WDR82: variants seen among roughly 807,000 people sequenced by gnomAD.
WDR82 encodes the protein WD repeat-containing protein 82.
A neutral mutation model predicts 36.1 loss-of-function variants in WDR82; 8 were observed. That is an observed-to-expected ratio of 0.22 (90% CI 0.13 to 0.40). The LOEUF (loss-of-function observed/expected upper bound fraction) is 0.40. Ranked by LOEUF, WDR82 falls within the 10% of genes least tolerant of loss-of-function variation. WDR82 has a pLI of 1.00. For synonymous variants in WDR82, 129 were observed against 137.8 expected, an observed-to-expected ratio of 0.94 and a Z score of 0.45; for missense variants, 185 against 400.5, an observed-to-expected ratio of 0.46 and a Z score of 4.59.
intron 1 of WDR82, among the ~76,000 whole-genome samples, chr3:52,271,854 G>A (rs766756792): frequency 6.6e-5 from 10 of 152,180 alleles, no homozygotes; most frequent in Non-Finnish European, 1.3e-4. Flanking sequence ...AGCACTTTGG[G>A]AGGCCGAGCC....
intron 1 of WDR82, among the ~76,000 whole-genome samples, chr3:52,277,065 AAATAATAATAAT>A (rs71084177): frequency 3.5e-4 from 50 of 141,022 alleles, no homozygotes; most frequent in East Asian, 1.2e-3. Flanking sequence ...CCAAGATCTC[AAATAATAATAAT>A]AATAATAATA....
rs554529785 is a variant in WDR82, at chr3:52,264,204, G to A, written c.327-2725C>T. Among the ~76,000 whole-genome samples the A allele has an allele frequency of 1.7e-4, 26 of 152,224 alleles. No individual in the cohort carries two copies. The East Asian group carries it at 4.8e-3, about 28-fold the overall frequency. On this transcript the variant is annotated intron_variant, in intron 3 of 8. Transcript: ENST00000296490. ...AACAAAACCTGTAGGTGGAAGGCGG[G>A]TCTGAAACTGATAATAGACATGAGC... is the stretch of plus-strand genomic sequence containing the variant.
Position 52,255,548 on chromosome 3 carries a change from C to CTACAGT in WDR82, c.*1941_*1942insACTGTA, listed in dbSNP as rs970565463. ...TGGGTGGCATCCTGCAGATTCTAGT[C>CTACAGT]TACATTTGGGAAAGGTGTACGCCTC... is the stretch of plus-strand genomic sequence containing the variant. On this transcript the variant is annotated 3_prime_UTR_variant, in exon 9 of 9. Coordinates refer to ENST00000296490, the MANE Select transcript of WDR82 (RefSeq NM_025222.4). 1.5e-4 allele frequency: 23 copies of CTACAGT among 151,880 alleles called. No homozygotes were observed. Among genetic ancestry groups the CTACAGT allele is most frequent in the Admixed American group, 5.9e-4 (9 of 15,246 alleles). The allele number at this position is 151,880 out of a possible 1,614,324, so 9.4% of individuals were successfully genotyped here.
chr3:52,271,519 T>TATGA (rs1300499781), intron 1 of WDR82, among the ~76,000 whole-genome samples: 2 of 151,828 alleles, frequency 1.3e-5, no homozygotes, highest in Admixed American at 1.3e-4. Flanking sequence ...CAAAGAGGGA[T>TATGA]ATGAGAATAT....
chr3:52,277,286 GGGA>G (rs1700213677), intron 1 of WDR82, among the ~76,000 whole-genome samples: 1 of 152,036 alleles, frequency 6.6e-6, no homozygotes, highest in Non-Finnish European at 1.5e-5. Context: ...AGGACCCCCA[GGGA>G]AAAAGGCAAA....
chr3:52,265,075 G>A (rs1700093429), intron 3 of WDR82, among the ~76,000 whole-genome samples: 1 of 152,022 alleles, frequency 6.6e-6, no homozygotes, highest in Non-Finnish European at 1.5e-5. Context: ...CAGCACTTTG[G>A]GAGGCTGAGG....
At chr3:52,277,280 C>T (rs939359149) in intron 1 of WDR82, among the ~76,000 whole-genome samples, 3 of 151,820 alleles carry the variant, frequency 2.0e-5, no homozygotes, top group Admixed American at 2.0e-4. Flanking sequence ...CTGACAAGGA[C>T]CCCCAGGGAA....
chr3:52,267,212 A>T (rs184479693), intron 2 of WDR82, 194 bp from the exon 3 acceptor site: 16 of 413,608 alleles, frequency 3.9e-5, no homozygotes, highest in African/African-American at 3.2e-4. Context: ...ACTCAAAAGC[A>T]GAGTTCTTAA....
At position 52,260,457 on chromosome 3, in the gene WDR82, T is replaced by C; in HGVS notation, c.471A>G (p.Pro157=). 6.3e-7 allele frequency: 1 copy of C among 1,592,582 alleles called. No homozygotes were observed. Among genetic ancestry groups the C allele is most frequent in the Non-Finnish European group, 8.5e-7 (1 of 1,172,700 alleles). ...LQGKPVCSFD[P]EGLIFAAGVN... ...CACCTGCAGCGAAAATTAACCCTTC[T>C]GGATCAAAAGAACAAACTGGCTTCC... Residue 157 remains proline (P), a synonymous_variant, in exon 5 of 9, where the codon CCA becomes CCG. Coordinates refer to ENST00000296490, the MANE Select transcript of WDR82 (RefSeq NM_025222.4).
intron 4 of WDR82, 59 bp from the exon 5 acceptor site, chr3:52,260,560 T>A: frequency 8.2e-7 from 1 of 1,223,744 alleles, no homozygotes; most frequent in Non-Finnish European, 1.1e-6. Flanking sequence ...ATACGTGGAA[T>A]AACCAAAGAC....
intron 3 of WDR82, among the ~76,000 whole-genome samples, chr3:52,261,844 T>C (rs1235377355): frequency 1.3e-5 from 2 of 152,140 alleles, no homozygotes; most frequent in African/African-American, 4.8e-5. Flanking sequence ...AATGGTACAG[T>C]TGCTTTGGAA....
chr3:52,263,584 T>A (rs1414122907), intron 3 of WDR82, among the ~76,000 whole-genome samples: 1 of 152,190 alleles, frequency 6.6e-6, no homozygotes, highest in African/African-American at 2.4e-5. Flanking sequence ...TCACAGGGCA[T>A]GAGCCAGGGC....
intron 3 of WDR82, among the ~76,000 whole-genome samples, chr3:52,264,348 G>C (rs748506599): frequency 6.6e-6 from 1 of 152,088 alleles, no homozygotes; most frequent in Non-Finnish European, 1.5e-5. Context: ...AAAACTACAA[G>C]AACAGAACCG....
In WDR82 at chr3:52,278,308, G is replaced by A. The variant is rs768487412; in HGVS notation, c.54C>T (p.Arg18=). 1.2e-6 allele frequency: 2 copies of A among 1,609,294 alleles called. No individual in the cohort carries two copies. The highest frequency in any genetic ancestry group is 1.7e-6 in the Non-Finnish European group (2 of 1,178,436). The change falls in exon 1 of 9, where the codon CGC becomes CGT. Residue 18 remains arginine (R), a synonymous_variant. Coordinates refer to ENST00000296490, the MANE Select transcript of WDR82 (RefSeq NM_025222.4). ...AGCAGTTAATCTTGTCCGAGTTTTCGCGGAACACCTTAGCGACGCGGAAGC... is the reference window on the plus strand; with the variant it reads ...AGCAGTTAATCTTGTCCGAGTTTTCACGGAACACCTTAGCGACGCGGAAGC... The part of the protein sequence containing the change: ...LRSFRVAKVF[R]ENSDKINCFD...
At chr3:52,261,234 TAA>T in intron 4 of WDR82, 144 bp downstream of exon 4, 1 of 668,152 alleles carries the variant, frequency 1.5e-6, no homozygotes, top group Non-Finnish European at 2.5e-6. Flanking sequence ...AGCTACCAAC[TAA>T]AAAAACAGAT....
chr3:52,262,822 A>G (rs1700072870), intron 3 of WDR82, among the ~76,000 whole-genome samples: 1 of 152,214 alleles, frequency 6.6e-6, no homozygotes, highest in Admixed American at 6.5e-5. Flanking sequence ...GAGAATGCTG[A>G]GGAGGTAATA....
At position 52,260,378 on chromosome 3, in the gene WDR82, G is replaced by T. The variant is rs761998054; in HGVS notation, c.543+7C>A. The T allele has an allele frequency of 9.1e-6, 14 of 1,539,596 alleles. No individual in the cohort carries two copies. The South Asian group carries it at 1.5e-4, about 16-fold the overall frequency. ...AGCTCAAAGATCTCAAAGATTCAAAGATTTACCTTATCAAAAGAACGAAGG... is the reference window on the plus strand; with the variant it reads ...AGCTCAAAGATCTCAAAGATTCAAATATTTACCTTATCAAAAGAACGAAGG... On this transcript the variant is annotated splice_region_variant and intron_variant, in intron 5 of 8. Transcript: ENST00000296490.
intron 2 of WDR82, among the ~76,000 whole-genome samples, chr3:52,269,661 C>T (rs1474839719): frequency 1.3e-5 from 2 of 152,088 alleles, no homozygotes; most frequent in African/African-American, 4.8e-5. Context: ...ACCCGGGAGG[C>T]GGAGGTTGCA....
Position 52,256,968 on chromosome 3 carries a change from T to G in WDR82, c.*522A>C, listed in dbSNP as rs1193457148. 6.5e-6 allele frequency: 1 copy of G among 153,868 alleles called. No individual in the cohort carries two copies. Among genetic ancestry groups the G allele is most frequent in the Non-Finnish European group, 1.5e-5 (1 of 68,864 alleles). 9.5% of individuals were successfully genotyped at this position (153,868 alleles called of 1,614,324 possible). A position where few individuals can be genotyped will look rare whatever the true frequency, so the allele number is the denominator to read the frequency against. The stretch of plus-strand genomic sequence containing the variant: ...ACCCCAAGATATATGAAAATGTTTC[T>G]GTAAATGTTTGGCACCTAAGAAACA... On this transcript the variant is annotated 3_prime_UTR_variant, in exon 9 of 9. Coordinates refer to ENST00000296490, the MANE Select transcript of WDR82 (RefSeq NM_025222.4).
Sources: gnomAD v4.1 joint callset for allele counts (sites outside exome capture counted in the v4.1 genomes callset) on GRCh38, gnomAD v4.1.1 for gene constraint, MANE v1.5 for transcripts, NCBI Gene and HGNC (gene_info 2026-07-23, HGNC 2026-07-21) for gene names.